BRF1: variants seen among roughly 807,000 people sequenced by gnomAD.
BRF1 encodes transcription factor IIIB 90 kDa subunit.
BRF1 carries 59 observed loss-of-function variants against 81.7 expected under a neutral mutation model. The observed-to-expected ratio is 0.72, with a 90% CI of 0.59 to 0.90. BRF1 has a LOEUF of 0.90. BRF1 is among the 40% of genes least tolerant of loss of function. The probability of loss-of-function intolerance (pLI) is 0.00; values close to 1 mark genes in which losing one functional copy is unlikely to be tolerated. For missense variants in BRF1, 1,050 were observed against 936.3 expected, an observed-to-expected ratio of 1.12 and a Z score of -1.58; for synonymous variants, 491 against 395.6, an observed-to-expected ratio of 1.24 and a Z score of -2.86.
intron 3 of BRF1, among the ~76,000 whole-genome samples, chr14:105,270,010 G>A (rs1450937083): frequency 1.3e-5 from 2 of 152,162 alleles, no homozygotes; most frequent in Non-Finnish European, 2.9e-5. Flanking sequence ...GTGGAGCCGG[G>A]GCAAGCAGAC....
intron 4 of BRF1, among the ~76,000 whole-genome samples, chr14:105,253,811 G>T (rs2055736504): frequency 6.6e-6 from 1 of 152,214 alleles, no homozygotes. Context: ...GCCTTCTGAA[G>T]GAATTTCCCC....
Position 105,286,296 on chromosome 14 carries a change from C to T in BRF1, c.265G>A (p.Gly89Arg). The change falls in exon 2 of 18, where the codon GGG (glycine) becomes AGG (arginine). Residue 89 changes from glycine (G) to arginine (R), a missense_variant and splice_region_variant. Coordinates refer to ENST00000547530, the MANE Select transcript of BRF1 (RefSeq NM_001519.4). ...KESRAQTLQN[G>R]RRHIHHLGNQ... Reference sequence around the variant, plus strand: ...CAGCAGCATCCGCGGTGGGAAATACCATTCTGCAGGGTCTGCGCTCTCGAC... The same window carrying T: ...CAGCAGCATCCGCGGTGGGAAATACTATTCTGCAGGGTCTGCGCTCTCGAC... 1 of 1,612,722 alleles carries T rather than the reference C, an allele frequency of 6.2e-7. No individual in the cohort carries two copies. The highest frequency in any genetic ancestry group is 8.5e-7 in the Non-Finnish European group (1 of 1,179,566).
chr14:105,262,502 C>T (rs776108045), intron 3 of BRF1, among the ~76,000 whole-genome samples: 1 of 152,364 alleles, frequency 6.6e-6, no homozygotes, highest in Non-Finnish European at 1.5e-5. Context: ...CCACACCCCA[C>T]GGTGGGCTCC....
Position 105,286,356 on chromosome 14 carries a change from G to C in BRF1, c.205C>G (p.Leu69Val). The C allele has an allele frequency of 6.2e-7, 1 of 1,613,508 alleles. No homozygotes were observed. Residue 69 changes from leucine to valine, a missense_variant, in exon 2 of 18, where the codon CTG becomes GTG. Coordinates refer to ENST00000547530, the MANE Select transcript of BRF1 (RefSeq NM_001519.4). ...AGATTCACGTGGAAGCCGCCACCCAGAGTCGGGGTTTTGCCAGCACCTGGA... is the reference window on the plus strand; with the variant it reads ...AGATTCACGTGGAAGCCGCCACCCACAGTCGGGGTTTTGCCAGCACCTGGA... ...SLDGAGKTPTLGGGFHVNLGK... is the reference protein window; with the variant it reads ...SLDGAGKTPTVGGGFHVNLGK...
chr14:105,229,356 A>G (rs1218771510), intron 6 of BRF1, among the ~76,000 whole-genome samples: 1 of 152,188 alleles, frequency 6.6e-6, no homozygotes, highest in Non-Finnish European at 1.5e-5. Context: ...GCAAACATGG[A>G]GATCATGTGT....
At position 105,282,406 on chromosome 14, in the gene BRF1, A is replaced by G. The variant is rs1362101704; in HGVS notation, c.265+3890T>C. Among the ~76,000 whole-genome samples, 3 of 152,318 alleles carry G rather than the reference A, an allele frequency of 2.0e-5. No homozygotes were observed. The East Asian group carries it at 5.8e-4, about 29-fold the overall frequency. On this transcript the variant is annotated intron_variant, in intron 2 of 17. Transcript: ENST00000547530. ...TTGCAGTTTTCTAAGAAAGGCAATC[A>G]AGACTTCACCAAAACAGTAACAGTC...
intron 5 of BRF1, chr14:105,247,175 G>C: frequency 1.0e-6 from 1 of 985,496 alleles, no homozygotes; most frequent in Non-Finnish European, 1.2e-6. Context: ...TGTGGCCTCG[G>C]TGGGTGTGTC....
At chr14:105,279,217 A>T (rs887873936) in intron 2 of BRF1, among the ~76,000 whole-genome samples, 3 of 152,206 alleles carry the variant, frequency 2.0e-5, no homozygotes, top group Non-Finnish European at 2.9e-5. Flanking sequence ...AGTCTCAAAA[A>T]AAAAAATTCA....
Position 105,300,686 on chromosome 14 carries a change from C to A in BRF1, c.-57G>T. On this transcript the variant is annotated 5_prime_UTR_variant, in exon 1 of 18. Coordinates refer to ENST00000547530, the MANE Select transcript of BRF1 (RefSeq NM_001519.4). Reference sequence around the variant, plus strand: ...TCCCAAGACTCTCAAGCCACCCGAGCCTCCGGAGCAGCCCGCGCCGCCCGC... The same window carrying A: ...TCCCAAGACTCTCAAGCCACCCGAGACTCCGGAGCAGCCCGCGCCGCCCGC... 1.6e-6 allele frequency: 2 copies of A among 1,237,306 alleles called. No homozygotes were observed. Among genetic ancestry groups the A allele is most frequent in the Non-Finnish European group, 1.0e-6 (1 of 987,964 alleles). The allele number at this position is 1,237,306 out of a possible 1,614,324, so 76.6% of individuals were successfully genotyped here.
At position 105,219,013 on chromosome 14, in the gene BRF1, G is replaced by A. The variant is rs764643825; in HGVS notation, c.1500C>T (p.Ile500=). Residue 500 remains isoleucine (I), a synonymous_variant, in exon 14 of 18, where the codon ATC becomes ATT. Coordinates refer to ENST00000547530, the MANE Select transcript of BRF1 (RefSeq NM_001519.4). ...AGGCGCCCACCTTGTGTTCCTTGTA[G>A]ATGCCGAGCTCCTTCTCTTTCGCTA... The part of the protein sequence containing the change: ...ARIAKEKELG[I]YKEHKPKKSC... The A allele has an allele frequency of 6.2e-7, 1 of 1,613,912 alleles. No homozygotes were observed. Among genetic ancestry groups the A allele is most frequent in the South Asian group, 1.1e-5 (1 of 91,084 alleles).
At chr14:105,286,058 T>C (rs1428121198) in intron 2 of BRF1, among the ~76,000 whole-genome samples, 1 of 152,266 alleles carries the variant, frequency 6.6e-6, no homozygotes, top group Non-Finnish European at 1.5e-5. Context: ...GCAATGGCTG[T>C]GGATCCTGTG....
chr14:105,241,552 G>T, intron 5 of BRF1, 138 bp from the exon 6 acceptor site: 1 of 1,138,860 alleles, frequency 8.8e-7, no homozygotes, highest in South Asian at 1.5e-5. Context: ...CCCTCCCCTG[G>T]ACAAAGCCTC....
intron 12 of BRF1, 161 bp from the exon 13 acceptor site, chr14:105,219,393 G>A: frequency 1.1e-5 from 16 of 1,419,786 alleles, no homozygotes; most frequent in Non-Finnish European, 1.5e-5. Context: ...CATCGCGCGG[G>A]GCGAGTTGGG....
At chr14:105,224,084 C>T (rs587676352) in intron 10 of BRF1, among the ~76,000 whole-genome samples, 2 of 152,266 alleles carry the variant, frequency 1.3e-5, no homozygotes, top group African/African-American at 4.8e-5. Context: ...TTTAAAAATC[C>T]ATCTGTAGCT....
chr14:105,218,791 AG>A (rs113261670), intron 14 of BRF1, among the ~76,000 whole-genome samples: 5,608 of 152,284 alleles, frequency 0.037, 353 homozygotes, highest in African/African-American at 0.13. Flanking sequence ...CTCCAAGGTG[AG>A]GCCGACGGCT....
intron 4 of BRF1, among the ~76,000 whole-genome samples, chr14:105,254,429 TTG>T (rs1228142313): frequency 2.0e-5 from 3 of 151,868 alleles, no homozygotes; most frequent in South Asian, 2.1e-4. Context: ...GCTAATTTTT[TTG>T]TGTTTTTAGT....
At chr14:105,258,808 A>G (rs2056016432) in intron 3 of BRF1, among the ~76,000 whole-genome samples, 1 of 152,156 alleles carries the variant, frequency 6.6e-6, no homozygotes, top group Non-Finnish European at 1.5e-5. Flanking sequence ...CAAAAAAAAG[A>G]ACTCTATTTA....
At chr14:105,229,300 G>A (rs751779487) in intron 6 of BRF1, among the ~76,000 whole-genome samples, 4 of 152,230 alleles carry the variant, frequency 2.6e-5, no homozygotes, top group Admixed American at 6.5e-5. Context: ...ACAGCTGGCA[G>A]CTGACACAGG....
At chr14:105,219,880 C>A in intron 12 of BRF1, 189 bp downstream of exon 12, 1 of 652,976 alleles carries the variant, frequency 1.5e-6, no homozygotes, top group Non-Finnish European at 2.6e-6. Flanking sequence ...CGCCCCCGAG[C>A]CGACACTGGA....
Sources: allele counts gnomAD v4.1 joint callset (sites outside exome capture counted in the v4.1 genomes callset), GRCh38; gene constraint gnomAD v4.1.1; transcripts MANE v1.5; gene names NCBI Gene and HGNC (gene_info 2026-07-23, HGNC 2026-07-21).